Variants in SLC37A1 observed in about 807,000 individuals in gnomAD.
SLC37A1 encodes solute carrier family 37 member 1.
Under a neutral mutation model 75.3 loss-of-function variants are expected in SLC37A1, and 49 were observed. That is an observed-to-expected ratio of 0.65 (90% CI 0.52 to 0.83). The LOEUF is 0.83. SLC37A1 is among the 40% of genes least tolerant of loss of function. The pLI is 0.00. For missense variants in SLC37A1, 566 were observed against 695.0 expected (o/e 0.81, Z 2.09); for synonymous variants, 268 against 292.1 (o/e 0.92, Z 0.84).
intron 1 of SLC37A1, among the ~76,000 whole-genome samples, chr21:42,517,393 G>A (rs532369094): frequency 1.3e-5 from 2 of 152,288 alleles, no homozygotes; most frequent in African/African-American, 4.8e-5. Context: ...GGCTGGAGCA[G>A]ATAGAAGAGA....
At chr21:42,567,417 C>G (rs1322077553) in intron 16 of SLC37A1, among the ~76,000 whole-genome samples, 2 of 152,228 alleles carry the variant, frequency 1.3e-5, no homozygotes. Flanking sequence ...CCCTTCTCAT[C>G]CAGGTACCAT....
chr21:42,573,951 TGAGA>T (rs1262463347), intron 17 of SLC37A1, among the ~76,000 whole-genome samples: 1 of 152,234 alleles, frequency 6.6e-6, no homozygotes, highest in Non-Finnish European at 1.5e-5. Flanking sequence ...TTTCAGACTT[TGAGA>T]AAGTTGCAGA....
chr21:42,564,241 C>G (rs2055914356), intron 13 of SLC37A1, among the ~76,000 whole-genome samples: 4 of 32,630 alleles, frequency 1.2e-4, no homozygotes, highest in Admixed American at 3.2e-4. Context: ...AAAAAAAAAG[C>G]ATAGCTGGGT....
chr21:42,527,835 T>C (rs535414001), intron 3 of SLC37A1, among the ~76,000 whole-genome samples: 2 of 152,224 alleles, frequency 1.3e-5, no homozygotes, highest in Non-Finnish European at 2.9e-5. Context: ...CGCTGAATCC[T>C]GTGGGTTTCT....
intron 18 of SLC37A1, chr21:42,575,316 G>A: frequency 1.0e-6 from 1 of 985,490 alleles, no homozygotes; most frequent in Non-Finnish European, 1.2e-6. Flanking sequence ...GATACACAGA[G>A]CCTGGCCTCC....
intron 1 of SLC37A1, among the ~76,000 whole-genome samples, chr21:42,517,796 A>T (rs1219461890): frequency 6.6e-6 from 1 of 152,234 alleles, no homozygotes; most frequent in East Asian, 1.9e-4. Context: ...CAAATGGCAA[A>T]GTCACAATTA....
intron 9 of SLC37A1, among the ~76,000 whole-genome samples, chr21:42,553,340 A>G (rs1271421729): frequency 6.6e-6 from 1 of 152,226 alleles, no homozygotes; most frequent in Non-Finnish European, 1.5e-5. Flanking sequence ...CCTTATTTTA[A>G]AGGAAGTTTG....
At chr21:42,531,221 G>A (rs937669834) in intron 3 of SLC37A1, among the ~76,000 whole-genome samples, 2 of 152,026 alleles carry the variant, frequency 1.3e-5, no homozygotes, top group African/African-American at 4.8e-5. Context: ...CGGCCCCGCC[G>A]CCTTCCCCGC....
chr21:42,562,878 C>T (rs981353068), intron 12 of SLC37A1, among the ~76,000 whole-genome samples: 1 of 152,066 alleles, frequency 6.6e-6, no homozygotes, highest in Non-Finnish European at 1.5e-5. Context: ...CAGGGAGGGG[C>T]AGAATCCGGC....
intron 2 of SLC37A1, chr21:42,502,910 A>G (rs746976652): frequency 6.6e-6 from 1 of 152,228 alleles, no homozygotes; most frequent in Non-Finnish European, 1.5e-5. Flanking sequence ...AAAATTGGGA[A>G]CATACAATAA....
rs879217505 is a variant in SLC37A1 at position 42,547,189 on chromosome 21, A to C, written c.768+49A>C. The C allele has an allele frequency of 1.1e-5, 17 of 1,603,688 alleles. No individual in the cohort carries two copies. The South Asian group carries it at 1.9e-4, about 18-fold the overall frequency. The stretch of plus-strand genomic sequence containing the variant: ...TTTTCTAGAACAGTGTGCGGTTCTG[A>C]CCACTTCCCCAGCCTGCTCCTGCCT... On this transcript the variant is annotated intron_variant, in intron 9 of 19. Coordinates refer to ENST00000352133, the MANE Select transcript of SLC37A1 (RefSeq NM_001320537.2). This position sits in a 1 kb window ranked among gnomAD's most constrained non-coding sequence, Gnocchi z 6.1.
intron 2 of SLC37A1, among the ~76,000 whole-genome samples, chr21:42,525,282 TG>T (rs1174598185): frequency 6.6e-6 from 1 of 152,274 alleles, no homozygotes. Context: ...AAGGGGTTCT[TG>T]GGAACCACCC....
At chr21:42,533,716 C>T (rs2055057628) in intron 3 of SLC37A1, among the ~76,000 whole-genome samples, 1 of 152,156 alleles carries the variant, frequency 6.6e-6, no homozygotes. Context: ...AAGCTCTGTG[C>T]AAAAAGCCTG....
chr21:42,522,381 G>T (rs1235239432), intron 2 of SLC37A1, among the ~76,000 whole-genome samples: 1 of 152,214 alleles, frequency 6.6e-6, no homozygotes, highest in Non-Finnish European at 1.5e-5. Context: ...TTTGGCTTCT[G>T]GGGGTTTGAG....
chr21:42,533,618 A>G (rs228053), intron 3 of SLC37A1, among the ~76,000 whole-genome samples: 118,855 of 150,824 alleles, frequency 0.79, 47,694 homozygotes, highest in African/African-American at 0.84. Context: ...GCCTCCCAAC[A>G]AGAAGCACCC....
intron 10 of SLC37A1, among the ~76,000 whole-genome samples, chr21:42,556,332 G>A (rs7282212): frequency 0.14 from 21,407 of 152,120 alleles, 2,143 homozygotes; most frequent in African/African-American, 0.28. Context: ...CAAACGCGGC[G>A]TGAGCACGGA....
At chr21:42,566,906 G>A (rs376041136) in intron 15 of SLC37A1, 79 bp from the exon 16 acceptor site, 74 of 1,449,146 alleles carry the variant, frequency 5.1e-5, no homozygotes, top group Middle Eastern at 1.8e-4. Flanking sequence ...CTCCCCAGGC[G>A]CCCACCTCAG....
intron 2 of SLC37A1, among the ~76,000 whole-genome samples, chr21:42,519,667 G>T (rs1217476183): frequency 6.6e-6 from 1 of 152,212 alleles, no homozygotes; most frequent in Non-Finnish European, 1.5e-5. Context: ...AGCCCTGCTG[G>T]TTGGTGGAGC....
chr21:42,572,730 C>T (rs1438558274), intron 17 of SLC37A1, among the ~76,000 whole-genome samples: 1 of 143,412 alleles, frequency 7.0e-6, no homozygotes, highest in African/African-American at 2.6e-5. Flanking sequence ...TCTGTTGGCT[C>T]TCTGGGGGGA....
Sources: allele counts gnomAD v4.1 joint callset (sites outside exome capture counted in the v4.1 genomes callset), GRCh38; gene constraint gnomAD v4.1.1; non-coding constraint Gnocchi (gnomAD v3.1); transcripts MANE v1.5; gene names NCBI Gene and HGNC (gene_info 2026-07-23, HGNC 2026-07-21).